Variants in LHFPL3 observed in about 807,000 individuals in gnomAD.
LHFPL3 encodes LHFPL tetraspan subfamily member 3 protein.
In LHFPL3, 5 loss-of-function variants were observed where a neutral mutation model predicts 19.3. The ratio of observed to expected loss-of-function variants is 0.26; its 90% confidence interval spans 0.14 to 0.54. The LOEUF (loss-of-function observed/expected upper bound fraction) is 0.54, where lower values mean the gene tolerates loss of function less well. LHFPL3 is among the 20% of genes least tolerant of loss of function. The pLI is 0.94. For synonymous variants in LHFPL3, 133 were observed against 126.2 expected, an observed-to-expected ratio of 1.05 and a Z score of -0.36; for missense variants, 249 against 307.4, an observed-to-expected ratio of 0.81 and a Z score of 1.42.
intron 2 of LHFPL3, among the ~76,000 whole-genome samples, chr7:104,851,852 G>C (rs946007309): frequency 1.3e-5 from 2 of 152,116 alleles, no homozygotes; most frequent in African/African-American, 4.8e-5. Context: ...GCACTGCAAA[G>C]ATACCATCTG....
At chr7:104,732,848 T>C (rs1239055580) in intron 1 of LHFPL3, among the ~76,000 whole-genome samples, 1 of 152,238 alleles carries the variant, frequency 6.6e-6, no homozygotes, top group African/African-American at 2.4e-5. Flanking sequence ...TCCTGCTTTC[T>C]CTTGTGGGCA....
intron 1 of LHFPL3, among the ~76,000 whole-genome samples, chr7:104,595,227 G>A (rs1319701538): frequency 6.6e-6 from 1 of 152,148 alleles, no homozygotes; most frequent in Non-Finnish European, 1.5e-5. Context: ...GGGTTTTGGT[G>A]TAGATGACCT....
intron 1 of LHFPL3, among the ~76,000 whole-genome samples, chr7:104,476,990 T>TTTTG (rs1386256474): frequency 6.6e-6 from 1 of 152,012 alleles, no homozygotes; most frequent in Non-Finnish European, 1.5e-5. Context: ...AATTCTGCTT[T>TTTTG]TTTGTTTGTT....
intron 1 of LHFPL3, among the ~76,000 whole-genome samples, chr7:104,670,903 G>A (rs1280344185): frequency 3.3e-5 from 5 of 151,092 alleles, no homozygotes; most frequent in African/African-American, 9.7e-5. Flanking sequence ...GAGAATAAAC[G>A]GAAATGGAGA....
chr7:104,423,011 G>A (rs1288369407), intron 1 of LHFPL3, among the ~76,000 whole-genome samples: 1 of 152,220 alleles, frequency 6.6e-6, no homozygotes, highest in African/African-American at 2.4e-5. Context: ...GGACGCAATG[G>A]TGAACAAAAC....
intron 1 of LHFPL3, among the ~76,000 whole-genome samples, chr7:104,391,034 T>A (rs962631742): frequency 6.6e-6 from 1 of 152,230 alleles, no homozygotes; most frequent in Non-Finnish European, 1.5e-5. Flanking sequence ...TGGGGTTGTT[T>A]GTTTTTTTCT....
chr7:104,453,410 TACAGAAAGTGGGAGATAGGG>T (rs1792478857), intron 1 of LHFPL3, among the ~76,000 whole-genome samples: 1 of 152,122 alleles, frequency 6.6e-6, no homozygotes, highest in Non-Finnish European at 1.5e-5. Context: ...CTCAGCCTTC[TACAGAAAGTGGGAGATAGGG>T]ACCCTATCTT....
At position 104,697,515 on chromosome 7, in the gene LHFPL3, GA is replaced by G. The variant is rs199724922; in HGVS notation, c.446-39158del. ...TAGAATGATTGTTTCATGCCAGAAA[GA>G]AGTTTATAGCCTTTTTAGAAGCGCC... is the stretch of plus-strand genomic sequence containing the variant. On this transcript the variant is annotated intron_variant, in intron 1 of 2. Transcript: ENST00000424859. Among the ~76,000 whole-genome samples the G allele has an allele frequency of 3.0e-3, 451 of 152,292 alleles. 5 individuals are homozygous for G. The highest frequency in any genetic ancestry group is 0.01 in the African/African-American group (425 of 41,566).
intron 1 of LHFPL3, among the ~76,000 whole-genome samples, chr7:104,528,342 A>G (rs567807317): frequency 7.2e-5 from 11 of 152,350 alleles, no homozygotes; most frequent in African/African-American, 2.4e-4. Context: ...TTCCCCTTGA[A>G]GTATAAACAA....
At chr7:104,435,748 CCTGT>C (rs1200110622) in intron 1 of LHFPL3, among the ~76,000 whole-genome samples, 1 of 151,702 alleles carries the variant, frequency 6.6e-6, no homozygotes, top group Non-Finnish European at 1.5e-5. Context: ...CTATTTAATT[CCTGT>C]CTAAGTGTAC....
At chr7:104,891,433 CAT>C in intron 2 of LHFPL3, among the ~76,000 whole-genome samples, 1 of 152,164 alleles carries the variant, frequency 6.6e-6, no homozygotes, top group Non-Finnish European at 1.5e-5. Flanking sequence ...GGCCAAATTT[CAT>C]CCCTTTATTG....
chr7:104,355,182 G>A (rs1790250931), intron 1 of LHFPL3, among the ~76,000 whole-genome samples: 1 of 152,184 alleles, frequency 6.6e-6, no homozygotes, highest in Admixed American at 6.5e-5. Context: ...GTCTTCGAGA[G>A]AACATCCAAA....
intron 2 of LHFPL3, among the ~76,000 whole-genome samples, chr7:104,811,775 C>T (rs1790476481): frequency 6.6e-6 from 1 of 152,160 alleles, no homozygotes; most frequent in African/African-American, 2.4e-5. Flanking sequence ...GTTCTTTCCA[C>T]TTTTAGTTCA....
chr7:104,527,332 T>A (rs1178917355), intron 1 of LHFPL3, among the ~76,000 whole-genome samples: 3 of 152,192 alleles, frequency 2.0e-5, no homozygotes, highest in Non-Finnish European at 4.4e-5. Flanking sequence ...CGCCCAGGTT[T>A]CTTTGTGCGG....
At chr7:104,345,904 C>T (rs1480229616) in intron 1 of LHFPL3, among the ~76,000 whole-genome samples, 2 of 152,156 alleles carry the variant, frequency 1.3e-5, no homozygotes, top group African/African-American at 4.8e-5. Context: ...TTGATGCCCC[C>T]ATGGTTAATG....
At chr7:104,629,497 C>T (rs1791602833) in intron 1 of LHFPL3, among the ~76,000 whole-genome samples, 1 of 152,308 alleles carries the variant, frequency 6.6e-6, no homozygotes, top group African/African-American at 2.4e-5. Context: ...CTATCTTCCT[C>T]AAGAAGTCCA....
At chr7:104,741,049 T>A (rs529174555) in intron 2 of LHFPL3, among the ~76,000 whole-genome samples, 1 of 152,338 alleles carries the variant, frequency 6.6e-6, no homozygotes, top group South Asian at 2.1e-4. Context: ...AAGATGCTGC[T>A]GAACCATAAA....
chr7:104,779,461 A>G (rs964872824), intron 2 of LHFPL3, among the ~76,000 whole-genome samples: 2 of 152,112 alleles, frequency 1.3e-5, no homozygotes, highest in Non-Finnish European at 2.9e-5. Context: ...AATCAAGACA[A>G]TTATTCCTTC....
At chr7:104,893,750 G>A (rs151050593) in intron 2 of LHFPL3, among the ~76,000 whole-genome samples, 1,758 of 151,694 alleles carry the variant, frequency 0.012, 34 homozygotes, top group African/African-American at 0.04. Context: ...TCAGGAGTTC[G>A]AGACCAGCCT....
Sources: allele counts gnomAD v4.1 joint callset (sites outside exome capture counted in the v4.1 genomes callset), GRCh38; gene constraint gnomAD v4.1.1; transcripts MANE v1.5; gene names NCBI Gene and HGNC (gene_info 2026-07-23, HGNC 2026-07-21).